NXPE2: variants seen among roughly 807,000 people sequenced by gnomAD.
NXPE2 encodes the protein neurexophilin and PC-esterase domain family member 2.
In NXPE2, 34 loss-of-function variants were observed where a neutral mutation model predicts 34.4. That is an observed-to-expected ratio of 0.99 (90% CI 0.75 to 1.31). NXPE2 has a LOEUF of 1.31. Among genes scored for constraint, NXPE2 ranks in the 40% most tolerant of loss-of-function variants. NXPE2 has a pLI of 0.00. For missense variants in NXPE2, 649 were observed against 672.5 expected, an observed-to-expected ratio of 0.97 and a Z score of 0.39; for synonymous variants, 235 against 231.3, an observed-to-expected ratio of 1.02 and a Z score of -0.15.
the NXPE2 span, among the ~76,000 whole-genome samples, chr11:114,577,271 C>T: frequency 6.6e-6 from 1 of 150,950 alleles, no homozygotes; most frequent in Admixed American, 6.6e-5. Context: ...GAATGGGAGG[C>T]TATTATTCTA....
the NXPE2 span, among the ~76,000 whole-genome samples, chr11:114,662,005 A>G: frequency 1.3e-5 from 2 of 152,162 alleles, no homozygotes; most frequent in Non-Finnish European, 2.9e-5. Context: ...GGCTCCACCA[A>G]TCACCACCCT....
the NXPE2 span, among the ~76,000 whole-genome samples, chr11:114,606,101 C>T: frequency 6.6e-6 from 1 of 151,668 alleles, no homozygotes; most frequent in African/African-American, 2.4e-5. Context: ...TCATGGGTAG[C>T]CACTGTTATC....
chr11:114,580,093 C>T, the NXPE2 span: 2 of 1,508,778 alleles, frequency 1.3e-6, no homozygotes, highest in Non-Finnish European at 1.8e-6. Context: ...AAAGAAGTTT[C>T]TGAAAGGGGT....
the NXPE2 span, among the ~76,000 whole-genome samples, chr11:114,618,483 T>C: frequency 3.9e-5 from 6 of 152,026 alleles, no homozygotes; most frequent in African/African-American, 1.2e-4. Context: ...CTGTGGATAA[T>C]AAGTGTTGCC....
At chr11:114,500,717 C>A in the NXPE2 span, among the ~76,000 whole-genome samples, 5 of 152,062 alleles carry the variant, frequency 3.3e-5, no homozygotes, top group Non-Finnish European at 5.9e-5. Context: ...TTTCTTCTTG[C>A]AGCTTTATAG....
At chr11:114,656,334 C>T in the NXPE2 span, among the ~76,000 whole-genome samples, 1 of 152,116 alleles carries the variant, frequency 6.6e-6, no homozygotes, top group South Asian at 2.1e-4. Flanking sequence ...GAATCAATAT[C>T]GTGAAAATGA....
the NXPE2 span, chr11:114,522,584 A>G: frequency 8.3e-7 from 1 of 1,199,654 alleles, no homozygotes. Flanking sequence ...CATTTAAAAT[A>G]CCCACCCTAC....
At chr11:114,506,360 C>T in the NXPE2 span, among the ~76,000 whole-genome samples, 1 of 152,128 alleles carries the variant, frequency 6.6e-6, no homozygotes, top group East Asian at 1.9e-4. Flanking sequence ...AGGAACTGAA[C>T]TCAGCACTGG....
At chr11:114,755,138 A>G in the NXPE2 span, among the ~76,000 whole-genome samples, 2 of 152,174 alleles carry the variant, frequency 1.3e-5, no homozygotes, top group South Asian at 2.1e-4. Context: ...TGCTATGAAG[A>G]GGAGCAGAAA....
upstream of NXPE2, among the ~76,000 whole-genome samples, chr11:114,676,035 C>T (rs1004691800): frequency 1.3e-5 from 2 of 151,896 alleles, no homozygotes; most frequent in African/African-American, 4.8e-5. Flanking sequence ...GCTGACAGAA[C>T]TGCATATCCA....
the NXPE2 span, among the ~76,000 whole-genome samples, chr11:114,739,378 C>T: frequency 2.2e-4 from 18 of 81,612 alleles, no homozygotes; most frequent in African/African-American, 6.8e-4. Context: ...CTCCCTCACT[C>T]ACTCCTTCCC....
intron 3 of NXPE2, among the ~76,000 whole-genome samples, chr11:114,702,704 C>G (rs575310001): frequency 6.6e-6 from 1 of 152,084 alleles, no homozygotes; most frequent in Non-Finnish European, 1.5e-5. Context: ...AGAGTCAGAA[C>G]GGGATTCCCA....
the NXPE2 span, among the ~76,000 whole-genome samples, chr11:114,507,242 C>T: frequency 5.7e-5 from 8 of 139,986 alleles, no homozygotes; most frequent in African/African-American, 2.2e-4. Context: ...AGCCTGCCAA[C>T]CAACCAAAAA....
chr11:114,607,265 A>T, the NXPE2 span, among the ~76,000 whole-genome samples: 2 of 150,500 alleles, frequency 1.3e-5, no homozygotes, highest in Non-Finnish European at 3.0e-5. Flanking sequence ...GTGTTGCCTC[A>T]TGGGTAACCA....
the NXPE2 span, among the ~76,000 whole-genome samples, chr11:114,537,631 C>G: frequency 2.0e-5 from 3 of 152,140 alleles, no homozygotes; most frequent in Non-Finnish European, 4.4e-5. Context: ...TTCTTATACA[C>G]CAGTAACAGA....
At chr11:114,764,658 C>T in the NXPE2 span, among the ~76,000 whole-genome samples, 3 of 152,136 alleles carry the variant, frequency 2.0e-5, no homozygotes, top group African/African-American at 7.2e-5. Context: ...GTTTTTATTT[C>T]ATACCTCTTC....
the NXPE2 span, among the ~76,000 whole-genome samples, chr11:114,623,347 A>G: frequency 2.0e-5 from 3 of 151,656 alleles, no homozygotes; most frequent in African/African-American, 7.3e-5. Context: ...GAAAATAAGT[A>G]TCGCCTGTAG....
At chr11:114,480,040 G>A in the NXPE2 span, among the ~76,000 whole-genome samples, 1 of 152,098 alleles carries the variant, frequency 6.6e-6, no homozygotes, top group South Asian at 2.1e-4. Context: ...TTACTGTGGG[G>A]AGCACACCAA....
At chr11:114,547,049 C>T in the NXPE2 span, among the ~76,000 whole-genome samples, 10 of 152,198 alleles carry the variant, frequency 6.6e-5, no homozygotes, top group African/African-American at 2.4e-4. Flanking sequence ...AGATTCTCCC[C>T]ACTCAAGGAG....
Sources: gnomAD v4.1 joint callset for allele counts (sites outside exome capture counted in the v4.1 genomes callset) on GRCh38, gnomAD v4.1.1 for gene constraint, MANE v1.5 for transcripts, NCBI Gene and HGNC (gene_info 2026-07-23, HGNC 2026-07-21) for gene names.